SPECC1: variants seen among roughly 807,000 people sequenced by gnomAD.
The protein encoded by SPECC1 is cytospin-B.
SPECC1 carries 62 observed loss-of-function variants against 104.1 expected under a neutral mutation model. The observed-to-expected ratio is 0.60, with a 90% CI of 0.49 to 0.74. SPECC1 has a LOEUF of 0.74. Among genes scored for constraint, SPECC1 ranks in the 30% least tolerant of loss-of-function variants. SPECC1 has a pLI of 0.00. For missense variants in SPECC1, 1,306 were observed against 1,310.5 expected (o/e 1.00, Z 0.05); for synonymous variants, 513 against 501.6 (o/e 1.02, Z -0.30).
chr17:20,262,195 T>C (rs1403861433), intron 12 of SPECC1, among the ~76,000 whole-genome samples: 1 of 152,240 alleles, frequency 6.6e-6, no homozygotes, highest in African/African-American at 2.4e-5. Flanking sequence ...TACCATTATT[T>C]ATCCATTCGA....
intron 3 of SPECC1, among the ~76,000 whole-genome samples, chr17:20,183,597 A>G (rs1372736774): frequency 6.6e-6 from 1 of 152,184 alleles, no homozygotes; most frequent in Non-Finnish European, 1.5e-5. Flanking sequence ...AATGCTATAA[A>G]ATGGCATAGT....
chr17:20,277,577 A>C (rs1041812534), intron 12 of SPECC1, among the ~76,000 whole-genome samples: 3 of 152,152 alleles, frequency 2.0e-5, no homozygotes, highest in Non-Finnish European at 4.4e-5. Context: ...TGTAAAATAC[A>C]CATAACATGA....
intron 13 of SPECC1, among the ~76,000 whole-genome samples, chr17:20,301,476 A>T (rs1467980259): frequency 6.6e-6 from 1 of 152,044 alleles, no homozygotes; most frequent in Non-Finnish European, 1.5e-5. Flanking sequence ...AATGTTTGTA[A>T]AACTATTAAA....
chr17:20,119,081 T>G (rs1313791940), intron 3 of SPECC1, among the ~76,000 whole-genome samples: 1 of 152,240 alleles, frequency 6.6e-6, no homozygotes, highest in Non-Finnish European at 1.5e-5. Context: ...AAAAGGTCTG[T>G]GAATAATTTA....
In SPECC1 at chr17:20,110,322, C is replaced by T. The variant is rs1323394989; in HGVS notation, c.148-105C>T. ...GCTACTCAAAGTGCTGTTATTGTAT[C>T]TTGACTGCTGGGCACATAGCCCAGC... On this transcript the variant is annotated intron_variant, in intron 2 of 14. Coordinates refer to ENST00000395527, the MANE Select transcript of SPECC1 (RefSeq NM_001243439.2). 3.6e-6 allele frequency: 5 copies of T among 1,372,684 alleles called. No homozygotes were observed. In the African/African-American group the frequency reaches 5.8e-5, roughly 16 times the overall value. 85.0% of individuals were successfully genotyped at this position (1,372,684 alleles called of 1,614,324 possible).
chr17:20,210,650 CT>C (rs2037079595), intron 4 of SPECC1, among the ~76,000 whole-genome samples: 1 of 152,194 alleles, frequency 6.6e-6, no homozygotes, highest in African/African-American at 2.4e-5. Flanking sequence ...GTGGGGGTGG[CT>C]TTTGGTGGGG....
At chr17:20,273,464 CA>C (rs10708984) in intron 12 of SPECC1, among the ~76,000 whole-genome samples, 94,330 of 144,234 alleles carry the variant, frequency 0.65, 31,702 homozygotes, top group East Asian at 0.96. Flanking sequence ...GAGACTCTGT[CA>C]AAAAAAAAAA....
chr17:20,115,387 C>T (rs919146093), intron 3 of SPECC1, among the ~76,000 whole-genome samples: 6 of 152,078 alleles, frequency 3.9e-5, no homozygotes, highest in Non-Finnish European at 7.4e-5. Context: ...GCAGGAGAAT[C>T]ACTTGAACCC....
chr17:20,312,115 T>G (rs60388215), intron 14 of SPECC1, among the ~76,000 whole-genome samples: 1,699 of 152,318 alleles, frequency 0.011, 24 homozygotes, highest in African/African-American at 0.038. Context: ...CAGGATAATG[T>G]TGGGATCCTG....
intron 1 of SPECC1, among the ~76,000 whole-genome samples, chr17:20,054,798 G>A (rs936326645): frequency 1.3e-5 from 2 of 152,004 alleles, no homozygotes; most frequent in Non-Finnish European, 2.9e-5. Flanking sequence ...CTCCCTAGGA[G>A]TGCACCTCCA....
chr17:20,138,787 G>A (rs1280006467), intron 3 of SPECC1, among the ~76,000 whole-genome samples: 1 of 152,112 alleles, frequency 6.6e-6, no homozygotes, highest in African/African-American at 2.4e-5. Flanking sequence ...GGACATCCTG[G>A]TTGCTTCCAA....
intron 4 of SPECC1, among the ~76,000 whole-genome samples, chr17:20,221,994 GA>G (rs1416078626): frequency 4.0e-5 from 6 of 150,436 alleles, no homozygotes; most frequent in Non-Finnish European, 2.9e-5. Flanking sequence ...GGTGGTCAGA[GA>G]AGATACCTGA....
chr17:20,231,870 T>G, intron 6 of SPECC1, 39 bp downstream of exon 6: 2 of 1,591,160 alleles, frequency 1.3e-6, no homozygotes, highest in Non-Finnish European at 8.6e-7. Flanking sequence ...CATCTTCCTA[T>G]GAATTACCCG....
chr17:20,310,508 C>T (rs769781980), intron 14 of SPECC1, among the ~76,000 whole-genome samples: 2 of 152,154 alleles, frequency 1.3e-5, no homozygotes, highest in African/African-American at 4.8e-5. Context: ...TCTCAGCCAC[C>T]GTGTAAGGAG....
chr17:20,195,148 T>G (rs1001578371), intron 3 of SPECC1, among the ~76,000 whole-genome samples: 6 of 152,204 alleles, frequency 3.9e-5, no homozygotes, highest in Admixed American at 6.5e-5. Context: ...TCCTCTATTC[T>G]GTTGTTACGC....
Position 20,084,377 on chromosome 17 carries a change from C to T in SPECC1, c.-21-12254C>T, listed in dbSNP as rs555743605. On this transcript the variant is annotated intron_variant, in intron 1 of 14. Coordinates refer to ENST00000395527, the MANE Select transcript of SPECC1 (RefSeq NM_001243439.2). The stretch of plus-strand genomic sequence containing the variant: ...CTGGGAGGCAGAGGTTGCAGTGAGC[C>T]GAGACTGTGCCGTTGCCATTGCACT... 4.6e-5 allele frequency among the ~76,000 whole-genome samples: 7 copies of T among 152,138 alleles called. No individual in the cohort carries two copies. In the East Asian group the frequency reaches 7.7e-4, roughly 17 times the overall value.
chr17:20,268,034 C>T (rs983122206), intron 12 of SPECC1, among the ~76,000 whole-genome samples: 2 of 152,178 alleles, frequency 1.3e-5, no homozygotes, highest in Non-Finnish European at 2.9e-5. Flanking sequence ...CATGAAGATA[C>T]TTGCAAGTAT....
rs201703393 is a variant in SPECC1 at position 20,040,172 on chromosome 17, CAT to C, written c.-22+30752_-22+30753del. On this transcript the variant is annotated intron_variant, in intron 1 of 14. Transcript: ENST00000395527. ...ATATGTATATATATATATACACACA[CAT>C]ATACACACATATATTTATATATACT... Among the ~76,000 whole-genome samples the C allele has an allele frequency of 6.7e-3, 1,012 of 152,010 alleles. 12 individuals are homozygous for C. Among genetic ancestry groups the C allele is most frequent in the African/African-American group, 0.023 (964 of 41,454 alleles).
intron 3 of SPECC1, among the ~76,000 whole-genome samples, chr17:20,113,155 CT>C (rs915035192): frequency 6.1e-4 from 92 of 151,834 alleles, no homozygotes; most frequent in Non-Finnish European, 1.0e-3. Flanking sequence ...AAAAAATTGA[CT>C]TTTTTTTCCA....
Sources: allele counts gnomAD v4.1 joint callset (sites outside exome capture counted in the v4.1 genomes callset), GRCh38; gene constraint gnomAD v4.1.1; transcripts MANE v1.5; gene names NCBI Gene and HGNC (gene_info 2026-07-23, HGNC 2026-07-21).